The following ING3 variants were observed in gnomAD, a reference collection of about 807,000 sequenced individuals.
ING3 encodes inhibitor of growth family member 3.
In ING3, 6 loss-of-function variants were observed where a neutral mutation model predicts 64.8. The ratio of observed to expected loss-of-function variants is 0.09; its 90% CI spans 0.05 to 0.18. The LOEUF is 0.18. Ranked by LOEUF, ING3 falls within the 10% of genes least tolerant of loss-of-function variation. The pLI is 1.00. For synonymous variants in ING3, 170 were observed against 173.7 expected, an observed-to-expected ratio of 0.98 and a Z score of 0.17; for missense variants, 310 against 489.7, an observed-to-expected ratio of 0.63 and a Z score of 3.46.
At chr7:120,962,776 C>T (rs1322517359) in intron 4 of ING3, among the ~76,000 whole-genome samples, 2 of 151,984 alleles carry the variant, frequency 1.3e-5, no homozygotes, top group East Asian at 1.9e-4. Context: ...CGTCTTAATT[C>T]GTACCTCCTT....
Position 120,953,260 on chromosome 7 carries a change from A to G in ING3, c.101-44A>G, listed in dbSNP as rs200925498. ...AAATCAAACCATGTATATTTAGTAT[A>G]TGAATTTGGTCATTTAATATGAATT... On this transcript the variant is annotated intron_variant, in intron 2 of 11. Coordinates refer to ENST00000315870, the MANE Select transcript of ING3 (RefSeq NM_019071.3). 4 of 1,139,636 alleles carry G rather than the reference A, an allele frequency of 3.5e-6. No homozygotes were observed. The East Asian group carries it at 1.0e-4, about 28-fold the overall frequency. The allele number at this position is 1,139,636 out of a possible 1,614,324, so 70.6% of individuals were successfully genotyped here. A position where few individuals can be genotyped will look rare whatever the true frequency, so the allele number is the denominator to read the frequency against.
Position 120,974,285 on chromosome 7 carries a change from C to T in ING3, c.1141-443C>T, listed in dbSNP as rs117530844. 2.1e-3 allele frequency among the ~76,000 whole-genome samples: 313 copies of T among 152,246 alleles called. 1 individual carries two copies. The highest frequency in any genetic ancestry group is 6.8e-3 in the Middle Eastern group (2 of 294). On this transcript the variant is annotated intron_variant, in intron 11 of 11. Coordinates refer to ENST00000315870, the MANE Select transcript of ING3 (RefSeq NM_019071.3). ...ACATTTCAAGGAATAGAAACACCCA[C>T]GTAGGAAATGCAGGGCATAAGACAT...
chr7:120,959,980 G>A (rs145681069), intron 4 of ING3, among the ~76,000 whole-genome samples: 50 of 152,172 alleles, frequency 3.3e-4, no homozygotes, highest in Non-Finnish European at 5.6e-4. Flanking sequence ...TTTAGATTTC[G>A]ATAAGTACAC....
intron 4 of ING3, among the ~76,000 whole-genome samples, chr7:120,963,572 G>A (rs1020308386): frequency 6.6e-6 from 1 of 152,090 alleles, no homozygotes; most frequent in South Asian, 2.1e-4. Flanking sequence ...ATGACCTTGG[G>A]CATATTACTT....
chr7:120,961,608 T>C lies in ING3; in HGVS notation c.268-3134T>C, dbSNP rs1183667495. 2.6e-5 allele frequency among the ~76,000 whole-genome samples: 4 copies of C among 152,314 alleles called. No individual in the cohort carries two copies. In the East Asian group the frequency reaches 7.7e-4, roughly 29 times the overall value. On this transcript the variant is annotated intron_variant, in intron 4 of 11. Coordinates refer to ENST00000315870, the MANE Select transcript of ING3 (RefSeq NM_019071.3). ...CAAAGATTACAACTCTATGCAAATA[T>C]TATAGGATGAAGGATTTTTTGTTTG...
At chr7:120,964,237 C>G (rs1795970178) in intron 4 of ING3, among the ~76,000 whole-genome samples, 1 of 152,154 alleles carries the variant, frequency 6.6e-6, no homozygotes, top group Non-Finnish European at 1.5e-5. Flanking sequence ...ATGATTCACT[C>G]TCATGCCTTA....
At chr7:120,954,179 A>T (rs759963913) in intron 3 of ING3, among the ~76,000 whole-genome samples, 21 of 152,132 alleles carry the variant, frequency 1.4e-4, no homozygotes, top group Non-Finnish European at 3.1e-4. Flanking sequence ...TAATCCTAGC[A>T]CTTTGAGAGG....
intron 9 of ING3, among the ~76,000 whole-genome samples, chr7:120,969,889 A>G (rs2525724): frequency 0.28 from 42,110 of 152,096 alleles, 7,117 homozygotes; most frequent in African/African-American, 0.46. Context: ...AAGAACGATC[A>G]ATATGAAATA....
intron 4 of ING3, among the ~76,000 whole-genome samples, chr7:120,959,495 T>A (rs1204731114): frequency 1.3e-5 from 2 of 152,098 alleles, no homozygotes; most frequent in African/African-American, 2.4e-5. Flanking sequence ...AAGCATCTCC[T>A]TTTTCTTCTC....
intron 4 of ING3, among the ~76,000 whole-genome samples, chr7:120,958,655 A>G (rs1795886091): frequency 1.3e-5 from 2 of 152,206 alleles, no homozygotes; most frequent in Non-Finnish European, 1.5e-5. Flanking sequence ...GCCTTAGGGC[A>G]TGTTTTTACT....
At chr7:120,956,601 T>C (rs2116657957) in intron 4 of ING3, 10 of 988,810 alleles carry the variant, frequency 1.0e-5, no homozygotes, top group Non-Finnish European at 1.2e-5. Flanking sequence ...CTTTTGTTCA[T>C]AGAGTTATTC....
intron 10 of ING3, among the ~76,000 whole-genome samples, chr7:120,972,154 AT>A (rs1029537791): frequency 2.0e-5 from 3 of 151,430 alleles, no homozygotes; most frequent in South Asian, 2.1e-4. Flanking sequence ...ATGACTGTTA[AT>A]TTTTTTTTAT....
chr7:120,964,711 T>C (rs780916297), intron 4 of ING3, 31 bp from the exon 5 acceptor site: 1 of 1,583,274 alleles, frequency 6.3e-7, no homozygotes, highest in Admixed American at 1.7e-5. Context: ...TCCCAAATTT[T>C]GGTGGTTATC....
In ING3 at chr7:120,974,927, G is replaced by A. The variant is rs968257704; in HGVS notation, c.*83G>A. The A allele has an allele frequency of 1.0e-5, 10 of 958,072 alleles. No individual in the cohort carries two copies. The South Asian group carries it at 1.3e-4, about 13-fold the overall frequency. 59.3% of individuals were successfully genotyped at this position (958,072 alleles called of 1,614,324 possible). On this transcript the variant is annotated 3_prime_UTR_variant, in exon 12 of 12. Coordinates refer to ENST00000315870, the MANE Select transcript of ING3 (RefSeq NM_019071.3). Reference sequence around the variant, plus strand: ...TTTAAAAAGAAGAGAAGAGAAAGAAGAAACAATGCATTTCCAGGCAACCAC... The same window carrying A: ...TTTAAAAAGAAGAGAAGAGAAAGAAAAAACAATGCATTTCCAGGCAACCAC...
chr7:120,961,703 T>A (rs1795936149), intron 4 of ING3, among the ~76,000 whole-genome samples: 1 of 152,204 alleles, frequency 6.6e-6, no homozygotes, highest in African/African-American at 2.4e-5. Context: ...GTAATGTTGG[T>A]AGAATATCCT....
chr7:120,956,965 A>G, intron 4 of ING3: 1 of 408,678 alleles, frequency 2.4e-6, no homozygotes, highest in Non-Finnish European at 3.3e-6. Flanking sequence ...ACATAAATAT[A>G]TGCTTTTTAA....
rs1319119332 is a variant in ING3, at chr7:120,966,701, A to G, written c.436+4A>G. 1.2e-6 allele frequency: 2 copies of G among 1,603,832 alleles called. No homozygotes were observed. The highest frequency in any genetic ancestry group is 1.7e-6 in the Non-Finnish European group (2 of 1,170,592). ...CATTCACATACTCCAGTGGAAAGTA[A>G]GTTTGGTGTAGTGCAGCTAAGTTTT... On this transcript the variant is annotated splice_donor_region_variant and intron_variant, in intron 6 of 11. Coordinates refer to ENST00000315870, the MANE Select transcript of ING3 (RefSeq NM_019071.3).
At chr7:120,958,742 C>G (rs950672432) in intron 4 of ING3, among the ~76,000 whole-genome samples, 9 of 152,268 alleles carry the variant, frequency 5.9e-5, no homozygotes, top group Middle Eastern at 3.4e-3. Context: ...GCTTCTATAC[C>G]ACAGCATTTA....
intron 4 of ING3, among the ~76,000 whole-genome samples, chr7:120,957,371 TAAAA>T (rs35872651): frequency 2.2e-5 from 3 of 139,280 alleles, no homozygotes; most frequent in East Asian, 4.1e-4. Context: ...GACTCTGTCT[TAAAA>T]AAAAAAAAAA....
Sources: gnomAD v4.1 joint callset for allele counts (sites outside exome capture counted in the v4.1 genomes callset) on GRCh38, gnomAD v4.1.1 for gene constraint, MANE v1.5 for transcripts, NCBI Gene and HGNC (gene_info 2026-07-23, HGNC 2026-07-21) for gene names.